PTPN9: variants seen among roughly 807,000 people sequenced by gnomAD.
PTPN9 encodes the protein tyrosine-protein phosphatase non-receptor type 9.
In PTPN9, 26 loss-of-function variants were observed where a neutral mutation model predicts 69.8. The observed-to-expected ratio is 0.37, with a 90% CI of 0.27 to 0.52. The LOEUF (loss-of-function observed/expected upper bound fraction) is 0.52. Ranked by LOEUF, PTPN9 falls within the 20% of genes least tolerant of loss-of-function variation. The pLI, the probability that PTPN9 is intolerant of heterozygous loss-of-function variation, is 0.91. For missense variants in PTPN9, 549 were observed against 740.3 expected (o/e 0.74, Z 3.00); for synonymous variants, 274 against 272.5 (o/e 1.01, Z -0.05).
chr15:75,503,152 A>C (rs1320532021), intron 7 of PTPN9, among the ~76,000 whole-genome samples: 1 of 149,416 alleles, frequency 6.7e-6, no homozygotes, highest in African/African-American at 2.5e-5. Flanking sequence ...GAAAGTGAGG[A>C]GCGTCTCTGC....
Position 75,478,293 on chromosome 15 carries a change from C to T in PTPN9, c.1129+1555G>A, listed in dbSNP as rs142051208. On this transcript the variant is annotated intron_variant, in intron 9 of 12. Coordinates refer to ENST00000618819, the MANE Select transcript of PTPN9 (RefSeq NM_002833.4). ...GCTAATTTTGTATGTTTAGTAGAAA[C>T]GTGGTTTCTCCATGTTGGTCAGGCT... Among the ~76,000 whole-genome samples, 972 of 151,712 alleles carry T rather than the reference C, an allele frequency of 6.4e-3. 13 individuals carry two copies. The highest frequency in any genetic ancestry group is 0.022 in the African/African-American group (913 of 41,336).
At position 75,547,670 on chromosome 15, in the gene PTPN9, T is replaced by C. The variant is rs867547285; in HGVS notation, c.64-20409A>G. ...TAATATTTACTGGATATAGGGTTCT[T>C]TTTTTTTTTTTTTGAGACGAAGCCT... On this transcript the variant is annotated intron_variant, in intron 1 of 12. Coordinates refer to ENST00000618819, the MANE Select transcript of PTPN9 (RefSeq NM_002833.4). Among the ~76,000 whole-genome samples the C allele has an allele frequency of 9.8e-3, 657 of 66,858 alleles. 5 individuals are homozygous for C. Among genetic ancestry groups the C allele is most frequent in the African/African-American group, 0.063 (631 of 10,022 alleles). The allele number at this position is 66,858 out of a possible 152,430, so 43.9% of individuals were successfully genotyped here. A position where few individuals can be genotyped will look rare whatever the true frequency, so the allele number is the denominator to read the frequency against.
chr15:75,503,552 T>C (rs1471708012), intron 7 of PTPN9, among the ~76,000 whole-genome samples: 2 of 108,728 alleles, frequency 1.8e-5, no homozygotes, highest in African/African-American at 7.4e-5. Context: ...GGTGGGGGGG[T>C]CAGCCCCCCG....
chr15:75,574,957 A>G (rs2075164660), intron 1 of PTPN9, among the ~76,000 whole-genome samples: 1 of 140,584 alleles, frequency 7.1e-6, no homozygotes, highest in Non-Finnish European at 1.5e-5. Context: ...AAAAAAAAAA[A>G]AAAAGAAAGA....
intron 3 of PTPN9, among the ~76,000 whole-genome samples, chr15:75,523,912 G>T (rs1038049179): frequency 2.0e-5 from 3 of 151,868 alleles, no homozygotes; most frequent in African/African-American, 2.4e-5. Flanking sequence ...CCTAACTGTG[G>T]AGACTCTCTA....
chr15:75,567,729 G>A (rs757066382), intron 1 of PTPN9, among the ~76,000 whole-genome samples: 2 of 152,114 alleles, frequency 1.3e-5, no homozygotes, highest in Non-Finnish European at 2.9e-5. Flanking sequence ...AGGCGCGGTG[G>A]CTCACGCCTG....
At chr15:75,559,056 C>A (rs901800910) in intron 1 of PTPN9, among the ~76,000 whole-genome samples, 4 of 151,748 alleles carry the variant, frequency 2.6e-5, no homozygotes, top group Non-Finnish European at 5.9e-5. Context: ...GCACCTCTTC[C>A]CGGCCGCCAT....
chr15:75,491,151 C>T (rs1303334638), intron 7 of PTPN9, among the ~76,000 whole-genome samples: 1 of 151,816 alleles, frequency 6.6e-6, no homozygotes, highest in Non-Finnish European at 1.5e-5. Flanking sequence ...GCCTGTAATC[C>T]CAGCACTTTG....
At chr15:75,513,890 G>C (rs1000514409) in intron 5 of PTPN9, among the ~76,000 whole-genome samples, 6 of 151,530 alleles carry the variant, frequency 4.0e-5, no homozygotes, top group Non-Finnish European at 8.8e-5. Flanking sequence ...CCTGAGGTCA[G>C]GAGTTAGAGT....
chr15:75,574,199 G>A (rs1274918804), intron 1 of PTPN9, among the ~76,000 whole-genome samples: 3 of 151,264 alleles, frequency 2.0e-5, no homozygotes, highest in Non-Finnish European at 4.4e-5. Flanking sequence ...GCAGGAGGAC[G>A]GCTTGAACCC....
chr15:75,544,662 G>A (rs1284000404), intron 1 of PTPN9, among the ~76,000 whole-genome samples: 1 of 152,134 alleles, frequency 6.6e-6, no homozygotes, highest in Non-Finnish European at 1.5e-5. Context: ...CTCTCCACAA[G>A]AACCTGTAGA....
intron 4 of PTPN9, among the ~76,000 whole-genome samples, chr15:75,522,189 A>G (rs1567501104): frequency 6.6e-6 from 1 of 152,328 alleles, no homozygotes; most frequent in South Asian, 2.1e-4. Flanking sequence ...TGATGACTGT[A>G]AAAAACTTCT....
intron 4 of PTPN9, among the ~76,000 whole-genome samples, chr15:75,518,870 C>T (rs80190955): frequency 6.0e-5 from 9 of 150,532 alleles, no homozygotes; most frequent in South Asian, 2.1e-4. Flanking sequence ...AACTGAGGAA[C>T]ATTTGAAGAT....
At chr15:75,543,988 G>T (rs778040170) in intron 1 of PTPN9, among the ~76,000 whole-genome samples, 1 of 152,130 alleles carries the variant, frequency 6.6e-6, no homozygotes, top group South Asian at 2.1e-4. Context: ...TTTCCTGCTG[G>T]AGGCATTTGC....
chr15:75,494,601 C>G (rs1288673218), intron 7 of PTPN9, among the ~76,000 whole-genome samples: 1 of 152,022 alleles, frequency 6.6e-6, no homozygotes, highest in Non-Finnish European at 1.5e-5. Context: ...GATCTGCCCT[C>G]CTCAGCCTCC....
At chr15:75,494,159 A>G (rs998022172) in intron 7 of PTPN9, among the ~76,000 whole-genome samples, 1 of 147,362 alleles carries the variant, frequency 6.8e-6, no homozygotes, top group African/African-American at 2.5e-5. Flanking sequence ...TATATATAAA[A>G]TCTATATATT....
intron 1 of PTPN9, among the ~76,000 whole-genome samples, chr15:75,577,737 T>A (rs537802632): frequency 6.6e-6 from 1 of 152,242 alleles, no homozygotes; most frequent in Non-Finnish European, 1.5e-5. Flanking sequence ...GTTGCCAGCA[T>A]GGTTTGCCTT....
At chr15:75,530,692 A>C (rs59180794) in intron 1 of PTPN9, among the ~76,000 whole-genome samples, 2,922 of 40,114 alleles carry the variant, frequency 0.073, 887 homozygotes, top group African/African-American at 0.24. Flanking sequence ...TTATATTATA[A>C]TATATATAAT....
At chr15:75,543,075 C>T (rs900150021) in intron 1 of PTPN9, among the ~76,000 whole-genome samples, 3 of 148,062 alleles carry the variant, frequency 2.0e-5, no homozygotes, top group Non-Finnish European at 3.0e-5. Context: ...GTTCAATTCC[C>T]ACCTATGAGT....
Sources: allele counts gnomAD v4.1 joint callset (sites outside exome capture counted in the v4.1 genomes callset), GRCh38; gene constraint gnomAD v4.1.1; transcripts MANE v1.5; gene names NCBI Gene and HGNC (gene_info 2026-07-23, HGNC 2026-07-21).